MYSM1: variants seen among roughly 807,000 people sequenced by gnomAD.
MYSM1 encodes the protein Myb like, SWIRM and MPN domains 1, also known as deubiquitinase MYSM1.
Under a neutral mutation model 116.0 loss-of-function variants are expected in MYSM1, and 51 were observed. The observed-to-expected ratio is 0.44, with a 90% CI of 0.35 to 0.56. The LOEUF is 0.56. Ranked by LOEUF, MYSM1 falls within the 20% of genes least tolerant of loss-of-function variation. MYSM1 has a pLI of 0.00. For synonymous variants in MYSM1, 313 were observed against 315.2 expected (o/e 0.99, Z 0.07); for missense variants, 900 against 974.9 (o/e 0.92, Z 1.02).
rs1450923996 is a variant in MYSM1, at chr1:58,659,992, A to C, written c.*5T>G. On this transcript the variant is annotated 3_prime_UTR_variant, in exon 20 of 20. Coordinates refer to ENST00000472487, the MANE Select transcript of MYSM1 (RefSeq NM_001085487.3). ...CAAGATTAAAATGTCTTAACTTTAA[A>C]ATAATCACATTAACAATTCCTTTGT... The C allele has an allele frequency of 9.3e-6, 14 of 1,500,720 alleles. No homozygotes were observed. Among genetic ancestry groups the C allele is most frequent in the South Asian group, 1.3e-5 (1 of 74,116 alleles). 93.0% of individuals were successfully genotyped at this position (1,500,720 alleles called of 1,614,324 possible). A position where few individuals can be genotyped will look rare whatever the true frequency, so the allele number is the denominator to read the frequency against.
At chr1:58,694,345 G>A (rs559623932) in intron 2 of MYSM1, among the ~76,000 whole-genome samples, 6 of 152,268 alleles carry the variant, frequency 3.9e-5, no homozygotes, top group East Asian at 3.9e-4. Context: ...CTACATGGCC[G>A]GGCGCGGTGG....
chr1:58,678,037 C>G (rs967951504), intron 8 of MYSM1, among the ~76,000 whole-genome samples: 7 of 152,060 alleles, frequency 4.6e-5, no homozygotes, highest in African/African-American at 1.7e-4. Flanking sequence ...AAATTTCTAA[C>G]CTTACAGATC....
In MYSM1 at chr1:58,657,395, G is replaced by C. The variant is rs1451040328; in HGVS notation, c.*2602C>G. ...GTGTTCCTTTGAGACTCTGCCTCCT[G>C]AACTTCCTGTATCATAGGCCCCCTC... On this transcript the variant is annotated 3_prime_UTR_variant, in exon 20 of 20. Transcript: ENST00000472487. 6.6e-6 allele frequency: 1 copy of C among 152,084 alleles called. No individual in the cohort carries two copies. The highest frequency in any genetic ancestry group is 6.6e-5 in the Admixed American group (1 of 15,256). 9.4% of individuals were successfully genotyped at this position (152,084 alleles called of 1,614,324 possible).
At chr1:58,699,698 A>C (rs1238078600) in intron 1 of MYSM1, 1 of 985,284 alleles carries the variant, frequency 1.0e-6, no homozygotes, top group Non-Finnish European at 1.2e-6. Flanking sequence ...CGGAAGAAGG[A>C]ATCTAAATGT....
chr1:58,688,898 C>A, intron 6 of MYSM1, 140 bp downstream of exon 6: 2 of 680,126 alleles, frequency 2.9e-6, no homozygotes, highest in South Asian at 1.9e-5. Flanking sequence ...CATCATTACT[C>A]TAACTACAGA....
rs12239731 is a variant in MYSM1, at chr1:58,660,162, G to T, written c.2329-7C>A. On this transcript the variant is annotated splice_polypyrimidine_tract_variant and splice_region_variant and intron_variant, in intron 19 of 19. Transcript: ENST00000472487. ...TCCTCATACACTCCAAAAGCTAGTT[G>T]AAAAGAAAAGTTTTATATTTAAATA... is the stretch of plus-strand genomic sequence containing the variant. The T allele has an allele frequency of 3.0e-3, 4,467 of 1,511,394 alleles. 107 individuals carry two copies. The African/African-American group carries it at 0.055, about 19-fold the overall frequency. The allele number at this position is 1,511,394 out of a possible 1,614,324, so 93.6% of individuals were successfully genotyped here.
At chr1:58,671,654 G>T (rs1644563493) in intron 12 of MYSM1, among the ~76,000 whole-genome samples, 2 of 152,090 alleles carry the variant, frequency 1.3e-5, no homozygotes, top group African/African-American at 4.8e-5. Context: ...TACAACATAT[G>T]TTGGATCATA....
intron 8 of MYSM1, among the ~76,000 whole-genome samples, chr1:58,680,207 G>T (rs1434921302): frequency 6.6e-6 from 1 of 152,070 alleles, no homozygotes; most frequent in Admixed American, 6.6e-5. Context: ...GTGTGAATTA[G>T]GCCATGTAGA....
intron 2 of MYSM1, among the ~76,000 whole-genome samples, chr1:58,693,230 A>C (rs780395389): frequency 5.3e-5 from 8 of 152,178 alleles, no homozygotes; most frequent in Non-Finnish European, 8.8e-5. Context: ...TCAAAAAAGG[A>C]ATCATTTGTT....
rs995803996 is a variant in MYSM1, at chr1:58,655,482, G to C, written c.*4515C>G. On this transcript the variant is annotated 3_prime_UTR_variant, in exon 20 of 20. Coordinates refer to ENST00000472487, the MANE Select transcript of MYSM1 (RefSeq NM_001085487.3). ...CCCTGGGATATTTTTATTTTTTCCT[G>C]ATTTAGTGGAGGCAACTATTTATTC... 1 of 151,828 alleles carries C rather than the reference G, an allele frequency of 6.6e-6. No individual in the cohort carries two copies. The highest frequency in any genetic ancestry group is 1.5e-5 in the Non-Finnish European group (1 of 68,000). The allele number at this position is 151,828 out of a possible 1,614,324, so 9.4% of individuals were successfully genotyped here.
At chr1:58,667,806 G>T (rs761180662) in intron 15 of MYSM1, 41 bp downstream of exon 15, 1 of 1,161,722 alleles carries the variant, frequency 8.6e-7, no homozygotes, top group Non-Finnish European at 1.3e-6. Context: ...ATGGTAGTAG[G>T]ACTAAATAAC....
intron 3 of MYSM1, among the ~76,000 whole-genome samples, chr1:58,691,910 T>C (rs1013780827): frequency 6.6e-6 from 1 of 152,174 alleles, no homozygotes; most frequent in Admixed American, 6.5e-5. Context: ...AAAGACTTAG[T>C]ACAAAAATGT....
intron 7 of MYSM1, 134 bp from the exon 8 acceptor site, chr1:58,682,679 G>GCTTTTCTTTTTTTT (rs72078164): frequency 1.4e-6 from 1 of 690,890 alleles, no homozygotes; most frequent in African/African-American, 1.9e-5. Context: ...CCTCTAATGC[G>GCTTTTCTTTTTTTT]CTTTTCTTTT....
intron 2 of MYSM1, 43 bp downstream of exon 2, chr1:58,695,086 A>C: frequency 7.9e-7 from 1 of 1,267,868 alleles, no homozygotes; most frequent in Non-Finnish European, 1.1e-6. Flanking sequence ...TCTAGGCAAT[A>C]AATAACAGCT....
chr1:58,665,882 C>A (rs1644461600), intron 16 of MYSM1, among the ~76,000 whole-genome samples: 1 of 152,038 alleles, frequency 6.6e-6, no homozygotes, highest in African/African-American at 2.4e-5. Flanking sequence ...CATGGTGAAA[C>A]CCCGTCTCTA....
In MYSM1 at chr1:58,675,467, G is replaced by A. The variant is rs1644636052; in HGVS notation, c.1494+10C>T. 2 of 1,591,478 alleles carry A rather than the reference G, an allele frequency of 1.3e-6. No individual in the cohort carries two copies. The highest frequency in any genetic ancestry group is 1.7e-6 in the Non-Finnish European group (2 of 1,162,222). ...ATGTGGAGAGATCACTGAGAGAGAT[G>A]ACTGCTTACCATAGACTGCAGACGC... On this transcript the variant is annotated intron_variant, in intron 10 of 19. Transcript: ENST00000472487.
chr1:58,675,534 G>A lies in MYSM1; in HGVS notation c.1437C>T (p.Ile479=). The part of the protein sequence containing the change: ...NRPQTVDKVR[I]RDRKDAVEAY... ...CTTCTACTGCATCTTTTCTGTCTCTGATTCGTACTTTGTCAACTGTTTGTG... is the reference window on the plus strand; with the variant it reads ...CTTCTACTGCATCTTTTCTGTCTCTAATTCGTACTTTGTCAACTGTTTGTG... The change falls in exon 10 of 20, where the codon ATC becomes ATT. Residue 479 remains isoleucine (I), a synonymous_variant. Coordinates refer to ENST00000472487, the MANE Select transcript of MYSM1 (RefSeq NM_001085487.3). The A allele has an allele frequency of 6.2e-7, 1 of 1,613,660 alleles. No individual in the cohort carries two copies. Among genetic ancestry groups the A allele is most frequent in the Non-Finnish European group, 8.5e-7 (1 of 1,179,798 alleles).
chr1:58,658,739 C>G lies in MYSM1; in HGVS notation c.*1258G>C, dbSNP rs1306653044. 6.6e-6 allele frequency: 1 copy of G among 152,120 alleles called. No homozygotes were observed. The highest frequency in any genetic ancestry group is 2.4e-5 in the African/African-American group (1 of 41,430). 9.4% of individuals were successfully genotyped at this position (152,120 alleles called of 1,614,324 possible). A position where few individuals can be genotyped will look rare whatever the true frequency, so the allele number is the denominator to read the frequency against. On this transcript the variant is annotated 3_prime_UTR_variant, in exon 20 of 20. Coordinates refer to ENST00000472487, the MANE Select transcript of MYSM1 (RefSeq NM_001085487.3). ...ATCTACTGAATTTCAATAAATGAGG[C>G]AGCATTGACTGCTTATTTTATTTTA...
chr1:58,667,279 A>G (rs1569716284), intron 15 of MYSM1, 53 bp from the exon 16 acceptor site: 1 of 1,280,228 alleles, frequency 7.8e-7, no homozygotes, highest in East Asian at 2.7e-5. Context: ...TAATTCTATT[A>G]CTCTAATGTT....
Sources: allele counts gnomAD v4.1 joint callset (sites outside exome capture counted in the v4.1 genomes callset), GRCh38; gene constraint gnomAD v4.1.1; transcripts MANE v1.5; gene names NCBI Gene and HGNC (gene_info 2026-07-23, HGNC 2026-07-21).